IRF8: variants seen among roughly 807,000 people sequenced by gnomAD.
IRF8 encodes the protein interferon consensus sequence binding protein 1.
Under a neutral mutation model 48.7 loss-of-function variants are expected in IRF8, and 14 were observed. The ratio of observed to expected loss-of-function variants is 0.29; its 90% confidence interval spans 0.19 to 0.45. The LOEUF (loss-of-function observed/expected upper bound fraction) is 0.45, where lower values mean the gene tolerates loss of function less well. Ranked by LOEUF, IRF8 falls within the 20% of genes least tolerant of loss-of-function variation. The probability of loss-of-function intolerance (pLI) is 1.00; values close to 1 mark genes in which losing one functional copy is unlikely to be tolerated. For synonymous variants in IRF8, 278 were observed against 227.3 expected (o/e 1.22, Z -2.01); for missense variants, 493 against 580.7 (o/e 0.85, Z 1.55).
rs1239685076 is a variant in IRF8 at position 85,899,170 on chromosome 16, C to G, written c.-55C>G. On this transcript the variant is annotated 5_prime_UTR_variant, in exon 1 of 9. Coordinates refer to ENST00000268638, the MANE Select transcript of IRF8 (RefSeq NM_002163.4). ...GCGACCGCTGGCGCATCGCCTGGAG[C>G]GCGGCAGCAAGCGTGGGAACGCGGG... is the stretch of plus-strand genomic sequence containing the variant. The G allele has an allele frequency of 2.0e-5, 3 of 152,296 alleles. No homozygotes were observed. The highest frequency in any genetic ancestry group is 7.2e-5 in the African/African-American group (3 of 41,468). 9.4% of individuals were successfully genotyped at this position (152,296 alleles called of 1,614,324 possible). A position where few individuals can be genotyped will look rare whatever the true frequency, so the allele number is the denominator to read the frequency against.
chr16:85,899,404 A>C (rs2152097220), intron 1 of IRF8, among the ~76,000 whole-genome samples, 181 bp downstream of exon 1: 1 of 152,364 alleles, frequency 6.6e-6, no homozygotes, highest in Non-Finnish European at 1.5e-5. Flanking sequence ...GTCCAATCTG[A>C]ATGCCCAAGT....
intron 7 of IRF8, 149 bp downstream of exon 7, chr16:85,918,952 T>C: frequency 2.0e-6 from 2 of 1,014,996 alleles, no homozygotes; most frequent in South Asian, 2.8e-5. Context: ...GGTGCTCCTT[T>C]GAATGGCACT....
rs114407646 is a variant in IRF8 at position 85,917,408 on chromosome 16, G to A, written c.602-1009G>A. 2.7e-3 allele frequency among the ~76,000 whole-genome samples: 418 copies of A among 152,288 alleles called. 3 individuals are homozygous for A. The highest frequency in any genetic ancestry group is 9.6e-3 in the African/African-American group (400 of 41,560). On this transcript the variant is annotated intron_variant, in intron 6 of 8. Coordinates refer to ENST00000268638, the MANE Select transcript of IRF8 (RefSeq NM_002163.4). ...AAACTTTGGTCACTTGAGGTCCAGT[G>A]TCACAATTGGTTTTCACAGCCTGGA...
At chr16:85,912,844 T>C (rs424971) in intron 4 of IRF8, among the ~76,000 whole-genome samples, 79,827 of 152,026 alleles carry the variant, frequency 0.53, 22,470 homozygotes, top group African/African-American at 0.74. Context: ...AATTGGATAA[T>C]CTGGAACACT....
chr16:85,919,599 A>T (rs1322886942), intron 7 of IRF8, among the ~76,000 whole-genome samples: 1 of 152,216 alleles, frequency 6.6e-6, no homozygotes, highest in Non-Finnish European at 1.5e-5. Context: ...GCGTCCTGCA[A>T]TGTACATTCC....
Position 85,921,581 on chromosome 16 carries a change from G to T in IRF8, c.*299G>T. 2.5e-6 allele frequency: 1 copy of T among 404,102 alleles called. No homozygotes were observed. The highest frequency in any genetic ancestry group is 4.6e-6 in the Non-Finnish European group (1 of 217,496). 25.0% of individuals were successfully genotyped at this position (404,102 alleles called of 1,614,324 possible). A position where few individuals can be genotyped will look rare whatever the true frequency, so the allele number is the denominator to read the frequency against. On this transcript the variant is annotated 3_prime_UTR_variant, in exon 9 of 9. Coordinates refer to ENST00000268638, the MANE Select transcript of IRF8 (RefSeq NM_002163.4). ...TGCTATGATTCTTTCTGCATTTTCG[G>T]TTAACTATCATTTCCAAAGACTTGT...
chr16:85,921,128 A>G lies in IRF8; in HGVS notation c.1127A>G (p.Gln376Arg). The change falls in exon 9 of 9, where the codon CAA becomes CGA. Residue 376 changes from glutamine to arginine, a missense_variant. Coordinates refer to ENST00000268638, the MANE Select transcript of IRF8 (RefSeq NM_002163.4). ...LVQIEQLYVR[Q>R]LAEEAGKSCG... is the part of the protein sequence containing the mutation. ...TAGATTGAGCAGCTGTATGTCCGGC[A>G]ACTGGCAGAAGAGGCTGGGAAGAGC... is the stretch of plus-strand genomic sequence containing the variant. The G allele has an allele frequency of 6.2e-7, 1 of 1,613,936 alleles. No homozygotes were observed. The highest frequency in any genetic ancestry group is 8.5e-7 in the Non-Finnish European group (1 of 1,179,926).
intron 5 of IRF8, among the ~76,000 whole-genome samples, chr16:85,913,578 A>G (rs1905209581): frequency 6.6e-6 from 1 of 152,222 alleles, no homozygotes; most frequent in South Asian, 2.1e-4. Context: ...GCTCTTGGCC[A>G]CGCTGGCGCC....
chr16:85,912,232 A>G (rs1225581127), intron 4 of IRF8, among the ~76,000 whole-genome samples: 1 of 152,252 alleles, frequency 6.6e-6, no homozygotes, highest in Non-Finnish European at 1.5e-5. Flanking sequence ...TTAGGCAAGA[A>G]TACATGGCTT....
At chr16:85,906,304 G>A (rs1265421289) in intron 2 of IRF8, among the ~76,000 whole-genome samples, 2 of 152,234 alleles carry the variant, frequency 1.3e-5, no homozygotes, top group Non-Finnish European at 2.9e-5. Flanking sequence ...AAGTTATGGT[G>A]GAGGCTGAAT....
intron 2 of IRF8, chr16:85,903,396 G>T (rs1243618871): frequency 5.1e-6 from 3 of 588,916 alleles, no homozygotes; most frequent in Non-Finnish European, 6.0e-6. Context: ...TCACTTTTGT[G>T]GTCGCTTGTA....
At chr16:85,912,778 G>C (rs1487109470) in intron 4 of IRF8, among the ~76,000 whole-genome samples, 1 of 152,250 alleles carries the variant, frequency 6.6e-6, no homozygotes, top group Non-Finnish European at 1.5e-5. Flanking sequence ...CCTTTGGCCA[G>C]CATCACTGTT....
rs574183531 is a variant in IRF8, at chr16:85,907,509, C to A, written c.175-1481C>A. Among the ~76,000 whole-genome samples the A allele has an allele frequency of 5.9e-5, 9 of 152,222 alleles. No individual in the cohort carries two copies. The South Asian group carries it at 1.9e-3, about 32-fold the overall frequency. On this transcript the variant is annotated intron_variant, in intron 2 of 8. Transcript: ENST00000268638. ...CCTGGCCAACATGGTGAAACCTCGTCTGTACTAAAAATACAAAAATTAGCT... is the reference window on the plus strand; with the variant it reads ...CCTGGCCAACATGGTGAAACCTCGTATGTACTAAAAATACAAAAATTAGCT...
At chr16:85,917,484 TAA>T (rs1905352536) in intron 6 of IRF8, among the ~76,000 whole-genome samples, 4 of 152,140 alleles carry the variant, frequency 2.6e-5, no homozygotes, top group South Asian at 4.1e-4. Context: ...AAATAAAACT[TAA>T]GTTTATTTTA....
intron 1 of IRF8, among the ~76,000 whole-genome samples, chr16:85,900,337 G>A (rs540903253): frequency 1.3e-5 from 2 of 152,284 alleles, no homozygotes; most frequent in Non-Finnish European, 2.9e-5. Flanking sequence ...GATAGGGCTT[G>A]GCCAATAGAT....
At chr16:85,920,000 G>C in intron 7 of IRF8, 109 bp from the exon 8 acceptor site, 1 of 809,754 alleles carries the variant, frequency 1.2e-6, no homozygotes, top group Non-Finnish European at 2.1e-6. Context: ...TGGTGCCCTG[G>C]CCTAAATGCT....
chr16:85,921,308 G>A lies in IRF8; in HGVS notation c.*26G>A, dbSNP rs376228613. The A allele has an allele frequency of 4.1e-4, 653 of 1,608,954 alleles. No homozygotes were observed. Among genetic ancestry groups the A allele is most frequent in the Non-Finnish European group, 5.3e-4 (623 of 1,177,986 alleles). ...GTGCGTCGCTTGGGCGCCCCACCCCGTCTGCGTCCTGCATCCATCTCCCTG... is the reference window on the plus strand; with the variant it reads ...GTGCGTCGCTTGGGCGCCCCACCCCATCTGCGTCCTGCATCCATCTCCCTG... On this transcript the variant is annotated 3_prime_UTR_variant, in exon 9 of 9. Transcript: ENST00000268638.
chr16:85,915,408 C>G (rs73264969), intron 6 of IRF8, among the ~76,000 whole-genome samples: 2,815 of 152,336 alleles, frequency 0.018, 80 homozygotes, highest in African/African-American at 0.064. Flanking sequence ...TGGCTGAGGA[C>G]TGCATGGGAC....
intron 1 of IRF8, among the ~76,000 whole-genome samples, chr16:85,899,886 T>A (rs1487014609): frequency 6.6e-6 from 1 of 152,214 alleles, no homozygotes; most frequent in Non-Finnish European, 1.5e-5. Context: ...AGGTGAGATG[T>A]GTTACTTACC....
Sources: allele counts gnomAD v4.1 joint callset (sites outside exome capture counted in the v4.1 genomes callset), GRCh38; gene constraint gnomAD v4.1.1; transcripts MANE v1.5; gene names NCBI Gene and HGNC (gene_info 2026-07-23, HGNC 2026-07-21).